Variants in RASSF3 observed in about 807,000 individuals in gnomAD.
The protein encoded by RASSF3 is ras association domain-containing protein 3.
RASSF3 carries 19 observed loss-of-function variants against 19.9 expected under a neutral mutation model. That is an observed-to-expected ratio of 0.96 (90% CI 0.67 to 1.40). The LOEUF (loss-of-function observed/expected upper bound fraction) is 1.40, where lower values mean the gene tolerates loss of function less well. Among genes scored for constraint, RASSF3 ranks in the 40% most tolerant of loss-of-function variants. The pLI is 0.00. For synonymous variants in RASSF3, 110 were observed against 104.2 expected (o/e 1.06, Z -0.34); for missense variants, 306 against 289.8 (o/e 1.06, Z -0.41).
intron 2 of RASSF3, among the ~76,000 whole-genome samples, chr12:64,573,642 T>C (rs545707729): frequency 2.0e-5 from 3 of 152,308 alleles, no homozygotes; most frequent in African/African-American, 7.2e-5. Context: ...TCAGGTCCCA[T>C]TGGCTGTTGG....
intron 1 of RASSF3, among the ~76,000 whole-genome samples, chr12:64,640,150 T>A (rs1461807536): frequency 6.6e-6 from 1 of 152,204 alleles, no homozygotes; most frequent in Non-Finnish European, 1.5e-5. Flanking sequence ...TTGATTTTTT[T>A]AAGGCTTTAT....
intron 2 of RASSF3, among the ~76,000 whole-genome samples, chr12:64,602,123 A>T (rs1349284055): frequency 6.6e-6 from 1 of 151,726 alleles, no homozygotes; most frequent in African/African-American, 2.4e-5. Context: ...TCAGAAAAAA[A>T]AAAAAAAAAA....
chr12:64,526,383 T>C (rs1868586548), intron 1 of RASSF3, among the ~76,000 whole-genome samples: 1 of 152,208 alleles, frequency 6.6e-6, no homozygotes, highest in African/African-American at 2.4e-5. Flanking sequence ...ATAGTCACTA[T>C]GTTGTACAAT....
At chr12:64,530,334 G>C (rs1318184198), upstream of RASSF3, among the ~76,000 whole-genome samples, 3 of 145,128 alleles carry the variant, frequency 2.1e-5, no homozygotes, top group Non-Finnish European at 4.5e-5. Context: ...ATAGAGACAT[G>C]GTCTCACCAT....
rs1872984854 is a variant in RASSF3 at position 64,678,410 on chromosome 12, G to T, written c.112-6377G>T. Among the ~76,000 whole-genome samples, 5 of 152,102 alleles carry T rather than the reference G, an allele frequency of 3.3e-5. No homozygotes were observed. In the South Asian group the frequency reaches 1.0e-3, roughly 32 times the overall value. On this transcript the variant is annotated intron_variant, in intron 1 of 4. Transcript: ENST00000542104. The stretch of plus-strand genomic sequence containing the variant: ...TGGCCTGGGAAGTTCACCCTTCTCT[G>T]CTGACACAGGCTGGACCCCACACCT...
rs200829597 is a variant in RASSF3, at chr12:64,618,643, G to GT, written c.111+7908dup. On this transcript the variant is annotated intron_variant, in intron 1 of 4. Transcript: ENST00000542104. ...CGCCCGGCCTTTTGTTTTTGTTTTT[G>GT]TTTTTTTTAAATGGAGAGGGCCAGA... 4.8e-3 allele frequency among the ~76,000 whole-genome samples: 729 copies of GT among 150,576 alleles called. 10 individuals carry two copies. Among genetic ancestry groups the GT allele is most frequent in the African/African-American group, 0.016 (671 of 41,280 alleles).
chr12:64,543,639 G>A (rs574388527), downstream of RASSF3, among the ~76,000 whole-genome samples: 7 of 148,496 alleles, frequency 4.7e-5, no homozygotes, highest in African/African-American at 1.7e-4. Flanking sequence ...AGGAGTGCGG[G>A]CGCACGGCGC....
intron 2 of RASSF3, among the ~76,000 whole-genome samples, chr12:64,598,063 C>A (rs1298017653): frequency 3.3e-5 from 5 of 152,002 alleles, no homozygotes; most frequent in Non-Finnish European, 2.9e-5. Context: ...ATTACAGGCA[C>A]AAGCCACCAT....
chr12:64,637,399 G>A (rs975943521), intron 1 of RASSF3, among the ~76,000 whole-genome samples: 2 of 151,616 alleles, frequency 1.3e-5, no homozygotes, highest in Admixed American at 6.6e-5. Context: ...CCAGAGATAG[G>A]TGGGTAGTAT....
chr12:64,615,924 C>T (rs912073529), intron 1 of RASSF3, among the ~76,000 whole-genome samples: 2 of 152,272 alleles, frequency 1.3e-5, no homozygotes, highest in African/African-American at 4.8e-5. Flanking sequence ...ATCCACCCAC[C>T]TCGGCCTCCC....
At chr12:64,507,728 C>T (rs183268521) in intron 1 of RASSF3, among the ~76,000 whole-genome samples, 11 of 152,200 alleles carry the variant, frequency 7.2e-5, no homozygotes, top group African/African-American at 2.4e-4. Flanking sequence ...CAGTGAGTTC[C>T]CCTCCTTTCC....
At chr12:64,556,114 T>C (rs1209731473) in intron 2 of RASSF3, among the ~76,000 whole-genome samples, 1 of 151,834 alleles carries the variant, frequency 6.6e-6, no homozygotes, top group Non-Finnish European at 1.5e-5. Flanking sequence ...GAGGGGAAGG[T>C]GAGAGATTGG....
At chr12:64,556,798 G>A (rs1399648896) in intron 2 of RASSF3, among the ~76,000 whole-genome samples, 2 of 149,546 alleles carry the variant, frequency 1.3e-5, no homozygotes, top group Non-Finnish European at 3.0e-5. Flanking sequence ...GGCACAATTG[G>A]TATTCATTTC....
chr12:64,514,311 C>A (rs759323747), intron 1 of RASSF3, among the ~76,000 whole-genome samples: 1 of 151,066 alleles, frequency 6.6e-6, no homozygotes, highest in Non-Finnish European at 1.5e-5. Flanking sequence ...CTTAGCCTCC[C>A]GAGTAGCTGG....
rs114915529 is a variant in RASSF3 at position 64,694,154 on chromosome 12, A to G, written c.568-609A>G. Among the ~76,000 whole-genome samples, 1,363 of 152,272 alleles carry G rather than the reference A, an allele frequency of 9.0e-3. 26 individuals are homozygous for G. The highest frequency in any genetic ancestry group is 0.031 in the African/African-American group (1,305 of 41,542). ...TCAGACAGCATCAGCAACTAAGGGA[A>G]GCCATTGGATGGTTCTAAGCAGGGG... On this transcript the variant is annotated intron_variant, in intron 4 of 4. Transcript: ENST00000542104.
upstream of RASSF3, among the ~76,000 whole-genome samples, chr12:64,606,666 T>C (rs1217603986): frequency 6.6e-6 from 1 of 151,778 alleles, no homozygotes; most frequent in Non-Finnish European, 1.5e-5. Context: ...AATACAAAAA[T>C]TGGCCGGGTG....
intron 1 of RASSF3, among the ~76,000 whole-genome samples, chr12:64,621,265 C>A (rs1461938704): frequency 6.6e-6 from 1 of 152,124 alleles, no homozygotes; most frequent in East Asian, 1.9e-4. Context: ...GAATTTAATA[C>A]TTTTTAAATA....
At chr12:64,619,987 A>AC (rs939149095) in intron 1 of RASSF3, among the ~76,000 whole-genome samples, 1 of 111,790 alleles carries the variant, frequency 8.9e-6, no homozygotes, top group African/African-American at 3.4e-5. Context: ...ATCAAAAAAA[A>AC]AAAAAAAAGA....
rs950853909 is a variant in RASSF3 at position 64,696,937 on chromosome 12, A to G, written c.*2025A>G. 1 of 151,980 alleles carries G rather than the reference A, an allele frequency of 6.6e-6. No individual in the cohort carries two copies. Among genetic ancestry groups the G allele is most frequent in the African/African-American group, 2.4e-5 (1 of 41,364 alleles). 9.4% of individuals were successfully genotyped at this position (151,980 alleles called of 1,614,324 possible). A position where few individuals can be genotyped will look rare whatever the true frequency, so the allele number is the denominator to read the frequency against. On this transcript the variant is annotated 3_prime_UTR_variant, in exon 5 of 5. Coordinates refer to ENST00000542104, the MANE Select transcript of RASSF3 (RefSeq NM_178169.4). Reference sequence around the variant, plus strand: ...TTCAGACTATGGCCTGGATTTGAGTATATTGTTATTACCACCTGGTTTTTT... The same window carrying G: ...TTCAGACTATGGCCTGGATTTGAGTGTATTGTTATTACCACCTGGTTTTTT...
Sources: gnomAD v4.1 joint callset for allele counts (sites outside exome capture counted in the v4.1 genomes callset) on GRCh38, gnomAD v4.1.1 for gene constraint, MANE v1.5 for transcripts, NCBI Gene and HGNC (gene_info 2026-07-23, HGNC 2026-07-21) for gene names.